STPG2: variants seen among roughly 807,000 people sequenced by gnomAD.
The protein encoded by STPG2 is sperm tail PG-rich repeat containing 2, also known as sperm-tail PG-rich repeat-containing protein 2.
Under a neutral mutation model 54.2 loss-of-function variants are expected in STPG2, and 56 were observed. That is an observed-to-expected ratio of 1.03 (90% CI 0.83 to 1.29). The LOEUF (loss-of-function observed/expected upper bound fraction) is 1.29, where lower values mean the gene tolerates loss of function less well. Among genes scored for constraint, STPG2 ranks in the 50% most tolerant of loss-of-function variants. The pLI is 0.00. For synonymous variants in STPG2, 200 were observed against 181.8 expected (o/e 1.10, Z -0.81); for missense variants, 596 against 544.9 (o/e 1.09, Z -0.93).
chr4:97,445,628 A>G (rs1030708980), intron 4 of STPG2, among the ~76,000 whole-genome samples: 5 of 152,318 alleles, frequency 3.3e-5, no homozygotes, highest in South Asian at 2.1e-4. Context: ...GCAGTTTGCA[A>G]TAGCCATATT....
At chr4:97,828,252 C>T (rs370463951) in intron 9 of STPG2, among the ~76,000 whole-genome samples, 2 of 152,236 alleles carry the variant, frequency 1.3e-5, no homozygotes, top group East Asian at 3.9e-4. Context: ...CCAAAGCAGG[C>T]TGGGGCATCG....
At chr4:97,683,915 G>A (rs766159708) in intron 10 of STPG2, among the ~76,000 whole-genome samples, 1 of 151,788 alleles carries the variant, frequency 6.6e-6, no homozygotes, top group Non-Finnish European at 1.5e-5. Flanking sequence ...TAGCAGAGTT[G>A]CAGGATACAA....
intron 4 of STPG2, among the ~76,000 whole-genome samples, chr4:97,448,295 G>C (rs192176789): frequency 6.6e-6 from 1 of 152,132 alleles, no homozygotes; most frequent in Non-Finnish European, 1.5e-5. Context: ...TAAGTGTTTG[G>C]GGGACTGTTG....
At chr4:97,573,849 C>T (rs1298972397) in intron 10 of STPG2, among the ~76,000 whole-genome samples, 1 of 152,024 alleles carries the variant, frequency 6.6e-6, no homozygotes, top group Non-Finnish European at 1.5e-5. Context: ...TCAGCACTGA[C>T]TGAGTGGTTA....
At chr4:97,832,915 C>T (rs1251406971) in intron 9 of STPG2, among the ~76,000 whole-genome samples, 2 of 152,072 alleles carry the variant, frequency 1.3e-5, no homozygotes, top group Non-Finnish European at 1.5e-5. Flanking sequence ...GAATCAGTAT[C>T]GTGAAAATGA....
chr4:97,853,006 T>C (rs1729217242), intron 8 of STPG2, among the ~76,000 whole-genome samples: 1 of 117,724 alleles, frequency 8.5e-6, no homozygotes, highest in African/African-American at 3.3e-5. Context: ...AGACAGAGTC[T>C]CACTCTGTCA....
intron 9 of STPG2, among the ~76,000 whole-genome samples, chr4:97,745,882 G>A (rs1273809316): frequency 6.6e-6 from 1 of 151,218 alleles, no homozygotes; most frequent in African/African-American, 2.4e-5. Context: ...TTCAATACTT[G>A]TAGAAAAATA....
At chr4:97,792,644 G>C (rs1412334808) in intron 9 of STPG2, among the ~76,000 whole-genome samples, 1 of 151,334 alleles carries the variant, frequency 6.6e-6, no homozygotes. Flanking sequence ...CCATCCCACT[G>C]TGAAGCAAGG....
chr4:97,767,559 A>T (rs907882595), intron 9 of STPG2, among the ~76,000 whole-genome samples: 1 of 152,190 alleles, frequency 6.6e-6, no homozygotes, highest in Non-Finnish European at 1.5e-5. Context: ...TAAATATTAC[A>T]TAATTTATGT....
rs72886061 is a variant in STPG2 at position 98,053,332 on chromosome 4, C to T, written c.612+52621G>A. Among the ~76,000 whole-genome samples the T allele has an allele frequency of 2.0e-3, 298 of 152,270 alleles. 1 individual carries two copies. The highest frequency in any genetic ancestry group is 7.0e-3 in the African/African-American group (292 of 41,550). On this transcript the variant is annotated intron_variant, in intron 5 of 10. Transcript: ENST00000295268. ...ATGTAAACATGCAACAAGAGATCCA[C>T]TCTCAACCCTTCATGTAAACACATC...
chr4:97,948,492 T>G (rs1250978621), intron 7 of STPG2, among the ~76,000 whole-genome samples: 1 of 152,116 alleles, frequency 6.6e-6, no homozygotes, highest in Non-Finnish European at 1.5e-5. Flanking sequence ...CTCTTATTCT[T>G]TGAGGTGTTA....
At chr4:98,129,508 T>C (rs1739924749) in intron 2 of STPG2, among the ~76,000 whole-genome samples, 1 of 152,132 alleles carries the variant, frequency 6.6e-6, no homozygotes, top group Admixed American at 6.5e-5. Flanking sequence ...ATGTATAAAG[T>C]CACATACATA....
chr4:97,862,638 T>C (rs1454701908), intron 8 of STPG2, among the ~76,000 whole-genome samples: 1 of 152,126 alleles, frequency 6.6e-6, no homozygotes, highest in Non-Finnish European at 1.5e-5. Flanking sequence ...ATCAAAAGAA[T>C]ATACATTCTT....
intron 4 of STPG2, among the ~76,000 whole-genome samples, chr4:97,547,940 C>A (rs1485901811): frequency 6.6e-6 from 1 of 152,012 alleles, no homozygotes; most frequent in Non-Finnish European, 1.5e-5. Flanking sequence ...CACCTGAGGT[C>A]GGGAGTTCAC....
At chr4:97,596,889 T>A (rs1158152739) in intron 10 of STPG2, among the ~76,000 whole-genome samples, 1 of 150,924 alleles carries the variant, frequency 6.6e-6, no homozygotes, top group Non-Finnish European at 1.5e-5. Flanking sequence ...ATCCCCAAGC[T>A]AGCAGAAAAC....
chr4:97,879,427 G>T (rs1006614739), intron 8 of STPG2, among the ~76,000 whole-genome samples: 1 of 152,060 alleles, frequency 6.6e-6, no homozygotes, highest in Non-Finnish European at 1.5e-5. Context: ...ATGGCTGGGG[G>T]AGGCCTCACA....
chr4:98,021,171 C>T (rs1335115869), intron 5 of STPG2, among the ~76,000 whole-genome samples: 1 of 141,950 alleles, frequency 7.0e-6, no homozygotes, highest in Non-Finnish European at 1.5e-5. Flanking sequence ...TATAAATTTC[C>T]CTCTACACAC....
chr4:98,134,490 T>C, intron 1 of STPG2, 31 bp from the exon 2 acceptor site: 2 of 1,215,288 alleles, frequency 1.6e-6, no homozygotes, highest in Non-Finnish European at 2.3e-6. Context: ...GACCAGCAGA[T>C]AAGATAAGAG....
At chr4:97,754,751 C>CA (rs904637394) in intron 9 of STPG2, among the ~76,000 whole-genome samples, 9 of 151,996 alleles carry the variant, frequency 5.9e-5, no homozygotes, top group Non-Finnish European at 1.2e-4. Context: ...CCTATCTTGT[C>CA]AAAAAAATTG....
Sources: gnomAD v4.1 joint callset for allele counts (sites outside exome capture counted in the v4.1 genomes callset) on GRCh38, gnomAD v4.1.1 for gene constraint, MANE v1.5 for transcripts, NCBI Gene and HGNC (gene_info 2026-07-23, HGNC 2026-07-21) for gene names.